LRRC27: variants seen among roughly 807,000 people sequenced by gnomAD.
The protein encoded by LRRC27 is leucine-rich repeat-containing protein 27.
Under a neutral mutation model 55.0 loss-of-function variants are expected in LRRC27, and 57 were observed. The ratio of observed to expected loss-of-function variants is 1.04; its 90% confidence interval spans 0.84 to 1.29. The LOEUF (loss-of-function observed/expected upper bound fraction) is 1.29. LRRC27 is among the 50% of genes most tolerant of loss of function. The probability of loss-of-function intolerance (pLI) is 0.00; values close to 1 mark genes in which losing one functional copy is unlikely to be tolerated. For missense variants in LRRC27, 721 were observed against 651.5 expected, an observed-to-expected ratio of 1.11 and a Z score of -1.16; for synonymous variants, 278 against 251.9, an observed-to-expected ratio of 1.10 and a Z score of -0.98.
chr10:132,348,829 TTA>T lies in LRRC27; in HGVS notation c.926+475_926+476del. ...AGAGAGGAGTTGGGGGAAAGGTCAG[TTA>T]TGCAGAAAATAAATGGCAGCTGCCT... On this transcript the variant is annotated intron_variant, in intron 6 of 10. Transcript: ENST00000368614. This position sits in a 1 kb window ranked among gnomAD's most constrained non-coding sequence, Gnocchi z 4.2. The T allele has an allele frequency of 1.6e-6, 1 of 640,328 alleles. No homozygotes were observed. Among genetic ancestry groups the T allele is most frequent in the African/African-American group, 1.8e-5 (1 of 55,180 alleles). 39.7% of individuals were successfully genotyped at this position (640,328 alleles called of 1,614,324 possible). A position where few individuals can be genotyped will look rare whatever the true frequency, so the allele number is the denominator to read the frequency against.
upstream of LRRC27, chr10:132,330,610 C>A: frequency 1.5e-6 from 1 of 685,766 alleles, no homozygotes; most frequent in Non-Finnish European, 2.7e-6. Flanking sequence ...TAGGTTCAAG[C>A]GATCCTCTTG....
At chr10:132,346,276 C>A (rs1361297082) in intron 5 of LRRC27, among the ~76,000 whole-genome samples, 2 of 149,612 alleles carry the variant, frequency 1.3e-5, no homozygotes, top group Admixed American at 1.3e-4. Context: ...AGTAACTGGT[C>A]AAAAATAAGT....
chr10:132,331,675 G>A (rs763570586), upstream of LRRC27: 5 of 1,612,662 alleles, frequency 3.1e-6, no homozygotes, highest in Non-Finnish European at 4.2e-6. Flanking sequence ...TTTTCTGCTC[G>A]GCTGTCCTCG....
rs997498970 is a variant in LRRC27, at chr10:132,339,098, C to T, written c.341+1403C>T. ...GCCCATGCAGGAGGGGCAGCCTGGG[C>T]GTGGCTGGCCACGGCAGGGCCTGGG... On this transcript the variant is annotated intron_variant, in intron 3 of 10. Transcript: ENST00000368614. Among the ~76,000 whole-genome samples, 9 of 152,270 alleles carry T rather than the reference C, an allele frequency of 5.9e-5. No individual in the cohort carries two copies. In the East Asian group the frequency reaches 9.7e-4, roughly 16 times the overall value.
chr10:132,348,331 C>A lies in LRRC27; in HGVS notation c.901C>A (p.Leu301Ile). The A allele has an allele frequency of 6.2e-7, 1 of 1,611,894 alleles. No homozygotes were observed. The highest frequency in any genetic ancestry group is 1.3e-5 in the African/African-American group (1 of 74,970). The change falls in exon 6 of 11, where the codon CTA becomes ATA. Residue 301 changes from leucine to isoleucine, a missense_variant. By Grantham distance (5) the Leu-to-Ile change is conservative (BLOSUM62 2). Transcript: ENST00000368614. This position sits in a 1 kb window ranked among gnomAD's most constrained non-coding sequence, Gnocchi z 4.2. ...LKAALNIEKELPKPRHVFRRK... is the reference protein window; with the variant it reads ...LKAALNIEKEIPKPRHVFRRK... ...GGCGGCCTTGAACATTGAGAAAGAA[C>A]TACCAAAGCCAAGACACGTTTTCAG... is the stretch of plus-strand genomic sequence containing the variant.
chr10:132,364,843 C>CTTACACTCATGCTTACATCTA (rs1564855237), intron 9 of LRRC27, among the ~76,000 whole-genome samples: 12 of 115,368 alleles, frequency 1.0e-4, no homozygotes, highest in African/African-American at 1.4e-4. Context: ...CACGCCCACA[C>CTTACACTCATGCTTACATCTA]CCTGGGGCCC....
At chr10:132,337,322 C>T (rs2067183886) in intron 2 of LRRC27, 3 of 1,312,138 alleles carry the variant, frequency 2.3e-6, no homozygotes. Context: ...CAGCAGAGTG[C>T]CGGCTCTTCA....
At chr10:132,331,321 G>T, upstream of LRRC27, 1 of 1,040,810 alleles carries the variant, frequency 9.6e-7, no homozygotes, top group East Asian at 2.6e-5. Flanking sequence ...TTGGATCCTG[G>T]AATGAAGGTG....
chr10:132,375,191 A>C lies in LRRC27; in HGVS notation c.1542A>C (p.Thr514=). The stretch of plus-strand genomic sequence containing the variant: ...TGCCGGCAGCACAGCCTCAAAATAC[A>C]TTTTTTAACACAAAATATGGAGAAT... ...LGLPAAQPQN[T]FFNTKYGESG... Residue 514 remains threonine (T), a synonymous_variant, in exon 11 of 11, where the codon ACA becomes ACC. Transcript: ENST00000368614. 2 of 1,614,038 alleles carry C rather than the reference A, an allele frequency of 1.2e-6. No individual in the cohort carries two copies. The highest frequency in any genetic ancestry group is 1.1e-5 in the South Asian group (1 of 91,078).
At position 132,355,584 on chromosome 10, in the gene LRRC27, G is replaced by A. The variant is rs564544786; in HGVS notation, c.1074-206G>A. ...TGGCAGCACCGACACACAGAGCCTC[G>A]GGATAGAACCCGGCATTCCCGGCTC... On this transcript the variant is annotated intron_variant, in intron 7 of 10. Transcript: ENST00000368614. Among the ~76,000 whole-genome samples the A allele has an allele frequency of 2.5e-4, 38 of 152,306 alleles. 1 individual carries two copies. In the South Asian group the frequency reaches 3.9e-3, roughly 16 times the overall value.
intron 7 of LRRC27, 133 bp from the exon 8 acceptor site, chr10:132,355,657 G>A (rs2068274235): frequency 1.6e-5 from 10 of 641,558 alleles, no homozygotes; most frequent in Admixed American, 1.5e-4. Flanking sequence ...ACTCCCACCC[G>A]GAGGGCATGC....
chr10:132,358,847 C>T lies in LRRC27; in HGVS notation c.1171-2610C>T, dbSNP rs1166619790. ...GGAAGGAGCCGAGCTGGTGGAGCAGCGTAGGGAGGAGCCGAGGTGGTGGAG... is the reference window on the plus strand; with the variant it reads ...GGAAGGAGCCGAGCTGGTGGAGCAGTGTAGGGAGGAGCCGAGGTGGTGGAG... On this transcript the variant is annotated intron_variant, in intron 8 of 10. Coordinates refer to ENST00000368614, the MANE Select transcript of LRRC27 (RefSeq NM_030626.3). Among the ~76,000 whole-genome samples the T allele has an allele frequency of 1.6e-3, 2 of 1,248 alleles. 1 individual carries two copies. Among genetic ancestry groups the T allele is most frequent in the African/African-American group, 0.019 (2 of 104 alleles). The allele number at this position is 1,248 out of a possible 152,430, so 0.8% of individuals were successfully genotyped here. A position where few individuals can be genotyped will look rare whatever the true frequency, so the allele number is the denominator to read the frequency against.
At chr10:132,344,678 C>T (rs376781031) in intron 5 of LRRC27, 28 bp downstream of exon 5, 10 of 1,607,258 alleles carry the variant, frequency 6.2e-6, no homozygotes, top group Admixed American at 1.7e-5. Context: ...TATGACAAAT[C>T]ACATTAACGT....
chr10:132,381,506 G>GTA (rs1156971534), exon 11 of LRRC27, among the ~76,000 whole-genome samples: 9 of 152,200 alleles, frequency 5.9e-5, no homozygotes, highest in Admixed American at 4.6e-4. Flanking sequence ...CATTTCATAT[G>GTA]TATATATATC....
Position 132,348,133 on chromosome 10 carries a change from G to A in LRRC27, c.703G>A (p.Val235Met), listed in dbSNP as rs1365262985. Residue 235 changes from valine (V) to methionine (M), a missense_variant, in exon 6 of 11, where the codon GTG becomes ATG. Coordinates refer to ENST00000368614, the MANE Select transcript of LRRC27 (RefSeq NM_030626.3). The surrounding 1 kb of genome is among the most constrained non-coding windows in gnomAD (Gnocchi z 4.2). ...MKEKASFLPP[V>M]EKPDLSELRK... ...AGAGAAGGCCAGCTTTCTCCCACCT[G>A]TGGAAAAGCCAGACCTGAGTGAACT... 6.2e-7 allele frequency: 1 copy of A among 1,614,114 alleles called. No homozygotes were observed. Among genetic ancestry groups the A allele is most frequent in the South Asian group, 1.1e-5 (1 of 91,078 alleles).
intron 9 of LRRC27, among the ~76,000 whole-genome samples, chr10:132,364,193 GA>G (rs1387304655): frequency 2.6e-5 from 4 of 151,906 alleles, no homozygotes; most frequent in Non-Finnish European, 5.9e-5. Flanking sequence ...TAGTTACTCT[GA>G]AAAGCAAGCA....
At position 132,374,937 on chromosome 10, in the gene LRRC27, G is replaced by C; in HGVS notation, c.1417-129G>C. 1 of 1,022,470 alleles carries C rather than the reference G, an allele frequency of 9.8e-7. No individual in the cohort carries two copies. The highest frequency in any genetic ancestry group is 1.4e-6 in the Non-Finnish European group (1 of 708,876). The allele number at this position is 1,022,470 out of a possible 1,614,324, so 63.3% of individuals were successfully genotyped here. A position where few individuals can be genotyped will look rare whatever the true frequency, so the allele number is the denominator to read the frequency against. On this transcript the variant is annotated intron_variant, in intron 10 of 10. Coordinates refer to ENST00000368614, the MANE Select transcript of LRRC27 (RefSeq NM_030626.3). This position sits in a 1 kb window ranked among gnomAD's most constrained non-coding sequence, Gnocchi z 4.4. ...CCGTGATGCGGCTTGCAGGGGCCCC[G>C]GGGCAGCGGGGCTGGCTCTGCTGAC... is the stretch of plus-strand genomic sequence containing the variant.
intron 3 of LRRC27, among the ~76,000 whole-genome samples, chr10:132,339,568 T>C (rs578078320): frequency 2.0e-5 from 3 of 152,312 alleles, no homozygotes; most frequent in Non-Finnish European, 4.4e-5. Flanking sequence ...GCTTGTGTTT[T>C]GGGAGCTGCA....
chr10:132,355,691 G>A, intron 7 of LRRC27, 99 bp from the exon 8 acceptor site: 3 of 886,692 alleles, frequency 3.4e-6, no homozygotes, highest in Non-Finnish European at 3.6e-6. Flanking sequence ...GTGCCCCCTG[G>A]AGACAGGTGC....
Sources: allele counts gnomAD v4.1 joint callset (sites outside exome capture counted in the v4.1 genomes callset), GRCh38; gene constraint gnomAD v4.1.1; non-coding constraint Gnocchi (gnomAD v3.1); transcripts MANE v1.5; gene names NCBI Gene and HGNC (gene_info 2026-07-23, HGNC 2026-07-21).